The following ZNHIT1 variants were observed in gnomAD, a reference collection of about 807,000 sequenced individuals.
The protein encoded by ZNHIT1 is zinc finger HIT-type containing 1.
ZNHIT1 carries 20 observed loss-of-function variants against 21.4 expected under a neutral mutation model. The observed-to-expected ratio is 0.93, with a 90% CI of 0.66 to 1.36. The LOEUF (loss-of-function observed/expected upper bound fraction) is 1.36, where lower values mean the gene tolerates loss of function less well. Ranked by LOEUF, ZNHIT1 falls within the 40% of genes most tolerant of loss-of-function variation. The pLI is 0.00. For missense variants in ZNHIT1, 170 were observed against 213.5 expected (o/e 0.80, Z 1.27); for synonymous variants, 79 against 84.0 (o/e 0.94, Z 0.32).
At chr7:101,221,370 T>C (rs988031025) in intron 1 of ZNHIT1, 1 of 152,128 alleles carries the variant, frequency 6.6e-6, no homozygotes, top group Non-Finnish European at 1.5e-5. Context: ...ACTACAGGCA[T>C]GTGCAACCAC....
Position 101,223,932 on chromosome 7 carries a change from T to G in ZNHIT1, c.444-5T>G. On this transcript the variant is annotated splice_region_variant and splice_polypyrimidine_tract_variant and intron_variant, in intron 4 of 4. Coordinates refer to ENST00000305105, the MANE Select transcript of ZNHIT1 (RefSeq NM_006349.3). ...CCCTCATCCTGGCTTCCCCTCTGTCTGCAGGTGTCTGAAGTGGACTGTGTG... is the reference window on the plus strand; with the variant it reads ...CCCTCATCCTGGCTTCCCCTCTGTCGGCAGGTGTCTGAAGTGGACTGTGTG... 1.2e-6 allele frequency: 2 copies of G among 1,614,210 alleles called. No homozygotes were observed. Among genetic ancestry groups the G allele is most frequent in the Non-Finnish European group, 8.5e-7 (1 of 1,180,020 alleles).
chr7:101,218,313 G>T, intron 1 of ZNHIT1, 96 bp downstream of exon 1: 1 of 1,428,598 alleles, frequency 7.0e-7, no homozygotes, highest in Non-Finnish European at 9.7e-7. Context: ...TCGCTCTTTC[G>T]CCTAGGCTGG....
intron 1 of ZNHIT1, 38 bp from the exon 2 acceptor site, chr7:101,222,566 T>C (rs10953329): frequency 0.3 from 469,347 of 1,581,458 alleles, 73,083 homozygotes; most frequent in African/African-American, 0.54. Flanking sequence ...TGCTCTTTCT[T>C]GGAAGCCCTG....
At chr7:101,218,242 C>T (rs778479078) in intron 1 of ZNHIT1, 25 bp downstream of exon 1, 1 of 1,606,852 alleles carries the variant, frequency 6.2e-7, no homozygotes, top group South Asian at 1.1e-5. Flanking sequence ...GCGGTTCGCC[C>T]CCTTCCCCTT....
At chr7:101,223,329 A>T (rs112413883) in intron 2 of ZNHIT1, 148 bp from the exon 3 acceptor site, 22 of 860,490 alleles carry the variant, frequency 2.6e-5, no homozygotes, top group Middle Eastern at 3.3e-4. Context: ...GTGAGTCAAG[A>T]TCGCACCACT....
Position 101,223,566 on chromosome 7 carries a change from G to C in ZNHIT1, c.273+10G>C. ...CCTGTTGGAGGAGCAGGTGAGAGGA[G>C]GGTCGGCCTGGGAGGACCCCACAGG... is the stretch of plus-strand genomic sequence containing the variant. On this transcript the variant is annotated intron_variant, in intron 3 of 4. Transcript: ENST00000305105. 6.2e-7 allele frequency: 1 copy of C among 1,614,158 alleles called. No individual in the cohort carries two copies. Among genetic ancestry groups the C allele is most frequent in the Non-Finnish European group, 8.5e-7 (1 of 1,180,006 alleles).
chr7:101,224,041 G>T lies in ZNHIT1; in HGVS notation c.*83G>T, dbSNP rs986890030. ...AGAATTTCATCACCCAATGCAGGGG[G>T]AGCTCTTCCTGGACCAAGGGAGGAG... On this transcript the variant is annotated 3_prime_UTR_variant, in exon 5 of 5. Transcript: ENST00000305105. The T allele has an allele frequency of 1.5e-5, 24 of 1,603,318 alleles. No individual in the cohort carries two copies. The African/African-American group carries it at 2.1e-4, about 14-fold the overall frequency.
Position 101,223,684 on chromosome 7 carries a change from G to A in ZNHIT1, c.285G>A (p.Val95=). The change falls in exon 4 of 5, where the codon GTG becomes GTA. Residue 95 remains valine, a synonymous_variant. Coordinates refer to ENST00000305105, the MANE Select transcript of ZNHIT1 (RefSeq NM_006349.3). ...CCTTGTCTCTGCAGAACTTGAGTGT[G>A]GCCGAGGGCCCTAACTACCTGACGG... ...QALLEEQNLS[V]AEGPNYLTAC... 3 of 1,610,448 alleles carry A rather than the reference G, an allele frequency of 1.9e-6. No individual in the cohort carries two copies. Among genetic ancestry groups the A allele is most frequent in the East Asian group, 4.5e-5 (2 of 44,800 alleles).
At chr7:101,219,186 C>T (rs1298710623) in intron 1 of ZNHIT1, 2 of 151,830 alleles carry the variant, frequency 1.3e-5, no homozygotes. Context: ...TCACTGCAGC[C>T]TCAACCTCCC....
chr7:101,223,777 C>T lies in ZNHIT1; in HGVS notation c.378C>T (p.Tyr126=), dbSNP rs558459087. 3.1e-6 allele frequency: 5 copies of T among 1,614,064 alleles called. No homozygotes were observed. The highest frequency in any genetic ancestry group is 4.2e-6 in the Non-Finnish European group (5 of 1,180,042). The stretch of plus-strand genomic sequence containing the variant: ...CTGTCTGTGGCTTCCCATCCCCCTA[C>T]ACCTGTGTCAGCTGCGGTGCCCGGT... ...FCAVCGFPSP[Y]TCVSCGARYC... Residue 126 remains tyrosine (Y), a synonymous_variant, in exon 4 of 5, where the codon TAC becomes TAT. Coordinates refer to ENST00000305105, the MANE Select transcript of ZNHIT1 (RefSeq NM_006349.3).
chr7:101,218,250 C>G, intron 1 of ZNHIT1, 33 bp downstream of exon 1: 1 of 1,602,174 alleles, frequency 6.2e-7, no homozygotes, highest in Non-Finnish European at 8.5e-7. Flanking sequence ...CCCCCTTCCC[C>G]TTCCCAAGTC....
intron 2 of ZNHIT1, 29 bp downstream of exon 2, chr7:101,222,803 A>T (rs1469771179): frequency 1.2e-6 from 2 of 1,607,418 alleles, no homozygotes; most frequent in Non-Finnish European, 1.7e-6. Flanking sequence ...GAAGCGGGGG[A>T]TGGGACTGAG....
At chr7:101,221,930 GT>G (rs1386298396) in intron 1 of ZNHIT1, 2 of 152,080 alleles carry the variant, frequency 1.3e-5, no homozygotes, top group Admixed American at 1.3e-4. Context: ...AGATTTTGGG[GT>G]TCAAGGAGAG....
At chr7:101,220,530 G>A (rs1053139949) in intron 1 of ZNHIT1, 16 of 152,142 alleles carry the variant, frequency 1.1e-4, no homozygotes, top group African/African-American at 3.6e-4. Flanking sequence ...GTAAATTGGG[G>A]ATGATGATAC....
intron 1 of ZNHIT1, chr7:101,220,531 A>C (rs1798352910): frequency 6.6e-6 from 1 of 152,116 alleles, no homozygotes; most frequent in Non-Finnish European, 1.5e-5. Flanking sequence ...TAAATTGGGG[A>C]TGATGATACT....
chr7:101,222,584 G>A lies in ZNHIT1; in HGVS notation c.23-20G>A. ...TCTTTCTTGGAAGCCCTGTAACTTT[G>A]CGTGCCCTGCTCCATCCAGTTCGCT... On this transcript the variant is annotated intron_variant, in intron 1 of 4. Transcript: ENST00000305105. 1 of 1,600,202 alleles carries A rather than the reference G, an allele frequency of 6.2e-7. No homozygotes were observed. The highest frequency in any genetic ancestry group is 8.5e-7 in the Non-Finnish European group (1 of 1,172,364).
chr7:101,223,344 T>C lies in ZNHIT1; in HGVS notation c.194-133T>C. 7.0e-6 allele frequency: 7 copies of C among 1,004,498 alleles called. No homozygotes were observed. The South Asian group carries it at 9.0e-5, about 13-fold the overall frequency. 62.2% of individuals were successfully genotyped at this position (1,004,498 alleles called of 1,614,324 possible). On this transcript the variant is annotated intron_variant, in intron 2 of 4. Coordinates refer to ENST00000305105, the MANE Select transcript of ZNHIT1 (RefSeq NM_006349.3). ...GTGAGTCAAGATCGCACCACTGCAC[T>C]CCAGCCTGGGTGACAGAGTGAGACT...
At chr7:101,222,304 G>A in intron 1 of ZNHIT1, 1 of 381,918 alleles carries the variant, frequency 2.6e-6, no homozygotes, top group Non-Finnish European at 4.7e-6. Flanking sequence ...CCAGGGCGCT[G>A]TGACCTCCCC....
Position 101,218,388 on chromosome 7 carries a change from C to G in ZNHIT1, c.22+171C>G, listed in dbSNP as rs1038465604. ...TCCTGGGATCAAACCATCCTCCCACCTCAGCCTCCGGAGTGGCTGGAACTG... is the reference window on the plus strand; with the variant it reads ...TCCTGGGATCAAACCATCCTCCCACGTCAGCCTCCGGAGTGGCTGGAACTG... On this transcript the variant is annotated intron_variant, in intron 1 of 4. Transcript: ENST00000305105. 12 of 703,596 alleles carry G rather than the reference C, an allele frequency of 1.7e-5. No homozygotes were observed. The Admixed American group carries it at 2.6e-4, about 16-fold the overall frequency. The allele number at this position is 703,596 out of a possible 1,614,324, so 43.6% of individuals were successfully genotyped here.
Sources: allele counts gnomAD v4.1 joint callset, GRCh38; gene constraint gnomAD v4.1.1; transcripts MANE v1.5; gene names NCBI Gene and HGNC (gene_info 2026-07-23, HGNC 2026-07-21).